Variants in SYCP2L observed in about 807,000 individuals in gnomAD.
SYCP2L encodes the protein synaptonemal complex protein 2 like.
In SYCP2L, 98 loss-of-function variants were observed where a neutral mutation model predicts 125.8. The observed-to-expected ratio is 0.78, with a 90% CI of 0.66 to 0.92. SYCP2L has a LOEUF of 0.92. Ranked by LOEUF, SYCP2L falls within the 40% of genes least tolerant of loss-of-function variation. SYCP2L has a pLI of 0.00. For synonymous variants in SYCP2L, 317 were observed against 325.4 expected (o/e 0.97, Z 0.28); for missense variants, 842 against 936.4 (o/e 0.90, Z 1.32).
intron 23 of SYCP2L, among the ~76,000 whole-genome samples, chr6:10,950,199 A>G (rs946403883): frequency 1.5e-5 from 2 of 133,302 alleles, no homozygotes; most frequent in African/African-American, 2.5e-5. Flanking sequence ...ACTTATTGCA[A>G]CATGGTCAGA....
chr6:10,956,696 C>T (rs992924948), intron 25 of SYCP2L, among the ~76,000 whole-genome samples: 1 of 152,144 alleles, frequency 6.6e-6, no homozygotes, highest in Non-Finnish European at 1.5e-5. Context: ...CACCTGGGCT[C>T]AAGTGATCCA....
chr6:10,911,648 C>T (rs546871679), intron 12 of SYCP2L, among the ~76,000 whole-genome samples: 1 of 152,240 alleles, frequency 6.6e-6, no homozygotes, highest in South Asian at 2.1e-4. Context: ...ATTCTGCTCT[C>T]TGTTTGGTTT....
intron 29 of SYCP2L, among the ~76,000 whole-genome samples, chr6:10,969,598 T>C (rs1031713434): frequency 1.3e-5 from 2 of 151,956 alleles, no homozygotes; most frequent in African/African-American, 4.8e-5. Context: ...TCTCCTGACC[T>C]CGTGATCTGC....
rs530279522 is a variant in SYCP2L, at chr6:10,949,443, TAGTC to T, written c.1955-5670_1955-5667del. On this transcript the variant is annotated intron_variant, in intron 23 of 29. Transcript: ENST00000283141. ...TACTTATTGCTAATTTTTTGCAACA[TAGTC>T]AGAGAAACACAGTCTGTACAATATC... Among the ~76,000 whole-genome samples, 334 of 152,324 alleles carry T rather than the reference TAGTC, an allele frequency of 2.2e-3. 1 individual carries two copies. Among genetic ancestry groups the T allele is most frequent in the African/African-American group, 3.7e-3 (154 of 41,598 alleles).
rs1781463653 is a variant in SYCP2L at position 10,954,362 on chromosome 6, G to A, written c.1955-754G>A. ...TTGGAAGTGACAATTGAAGGTGAAGGATTGACGATTTCCTCTAGGGAGATG... is the reference window on the plus strand; with the variant it reads ...TTGGAAGTGACAATTGAAGGTGAAGAATTGACGATTTCCTCTAGGGAGATG... On this transcript the variant is annotated intron_variant, in intron 23 of 29. Coordinates refer to ENST00000283141, the MANE Select transcript of SYCP2L (RefSeq NM_001040274.3). The surrounding 1 kb of genome is among the most constrained non-coding windows in gnomAD (Gnocchi z 4.8). Among the ~76,000 whole-genome samples, 1 of 152,126 alleles carries A rather than the reference G, an allele frequency of 6.6e-6. No homozygotes were observed.
intron 29 of SYCP2L, among the ~76,000 whole-genome samples, chr6:10,971,772 C>T (rs1272984143): frequency 1.4e-5 from 2 of 144,518 alleles, no homozygotes; most frequent in African/African-American, 2.6e-5. Flanking sequence ...GCACCTCCTC[C>T]TCTGAGGTTC....
Position 10,894,014 on chromosome 6 carries a change from T to C in SYCP2L, c.216+10T>C, listed in dbSNP as rs762281127. 7 of 1,604,040 alleles carry C rather than the reference T, an allele frequency of 4.4e-6. No individual in the cohort carries two copies. The highest frequency in any genetic ancestry group is 5.9e-6 in the Non-Finnish European group (7 of 1,177,390). On this transcript the variant is annotated intron_variant, in intron 3 of 29. Transcript: ENST00000283141. ...CAGATCAATAAATAAGGCAAGTTGGTTTGCTTTGTGACCAAAATACAAATG... is the reference window on the plus strand; with the variant it reads ...CAGATCAATAAATAAGGCAAGTTGGCTTGCTTTGTGACCAAAATACAAATG...
In SYCP2L at chr6:10,926,406, G is replaced by A; in HGVS notation, c.1286G>A (p.Ser429Asn). ...FSKSDKEDRE[S>N]PSGLERETEQ... ...AAGTCTGATAAAGAAGACAGGGAGA[G>A]TCCCAGTGGCCTTGAAAGAGAAACA... Residue 429 changes from serine (S) to asparagine (N), a missense_variant, in exon 16 of 30, where the codon AGT becomes AAT. Physicochemically the swap from Ser to Asn is conservative, Grantham distance 46 (BLOSUM62 1). Transcript: ENST00000283141. 1 of 1,613,770 alleles carries A rather than the reference G, an allele frequency of 6.2e-7. No homozygotes were observed. Among genetic ancestry groups the A allele is most frequent in the Non-Finnish European group, 8.5e-7 (1 of 1,179,760 alleles).
At chr6:10,970,119 C>T (rs945173361) in intron 29 of SYCP2L, among the ~76,000 whole-genome samples, 12 of 152,122 alleles carry the variant, frequency 7.9e-5, no homozygotes, top group African/African-American at 2.9e-4. Context: ...GAGAGAGACT[C>T]ACAGCGTGGA....
Position 10,926,384 on chromosome 6 carries a change from T to C in SYCP2L, c.1264T>C (p.Ser422Pro), listed in dbSNP as rs750303320. ...AATCTCCTCAGAACTTTTTAGTAAG[T>C]CTGATAAAGAAGACAGGGAGAGTCC... is the stretch of plus-strand genomic sequence containing the variant. ...TKISSELFSK[S>P]DKEDRESPSG... Residue 422 changes from serine (S) to proline (P), a missense_variant, in exon 16 of 30, where the codon TCT becomes CCT. Transcript: ENST00000283141. The C allele has an allele frequency of 2.5e-6, 4 of 1,613,884 alleles. No individual in the cohort carries two copies. The highest frequency in any genetic ancestry group is 8.5e-7 in the Non-Finnish European group (1 of 1,179,896).
intron 4 of SYCP2L, among the ~76,000 whole-genome samples, chr6:10,895,532 T>C (rs1780242666): frequency 6.6e-6 from 1 of 152,020 alleles, no homozygotes; most frequent in African/African-American, 2.4e-5. Context: ...TAGTCCTCTT[T>C]TCAAATAAGG....
In SYCP2L at chr6:10,958,830, C is replaced by A. The variant is rs186632022; in HGVS notation, c.2210C>A (p.Ala737Glu). ...TTTAATTCAGAAAATGCAAAGAAAG[C>A]ACCGGATTGCCTAATAAAACTTTTA... is the stretch of plus-strand genomic sequence containing the variant. ...RPFNSENAKK[A>E]PDCLIKLLNQ... The change falls in exon 26 of 30, where the codon GCA becomes GAA. Residue 737 changes from alanine to glutamate, a missense_variant. Coordinates refer to ENST00000283141, the MANE Select transcript of SYCP2L (RefSeq NM_001040274.3). 1.6e-5 allele frequency: 26 copies of A among 1,613,668 alleles called. No individual in the cohort carries two copies. Among genetic ancestry groups the A allele is most frequent in the Non-Finnish European group, 2.1e-5 (25 of 1,179,910 alleles).
chr6:10,955,017 ACAAGTTT>A, intron 23 of SYCP2L, 92 bp from the exon 24 acceptor site: 1 of 789,876 alleles, frequency 1.3e-6, no homozygotes, highest in Non-Finnish European at 2.2e-6. Flanking sequence ...CAGGCAGGGG[ACAAGTTT>A]CAGATGGTAC....
intron 17 of SYCP2L, 78 bp from the exon 18 acceptor site, chr6:10,928,325 A>G: frequency 1.5e-6 from 1 of 681,914 alleles, no homozygotes; most frequent in Admixed American, 2.8e-5. Flanking sequence ...AGACAGGCAT[A>G]AGAAATTATA....
chr6:10,889,840 C>T (rs1780145479), intron 1 of SYCP2L, among the ~76,000 whole-genome samples: 1 of 151,950 alleles, frequency 6.6e-6, no homozygotes, highest in Non-Finnish European at 1.5e-5. Context: ...GGCTGGTCTC[C>T]AACTCCTGAC....
At chr6:10,951,332 G>C (rs1219234220) in intron 23 of SYCP2L, among the ~76,000 whole-genome samples, 3 of 152,022 alleles carry the variant, frequency 2.0e-5, no homozygotes, top group African/African-American at 7.2e-5. Flanking sequence ...AGGCTGACAT[G>C]GGGGTGGTTG....
At position 10,900,051 on chromosome 6, in the gene SYCP2L, G is replaced by A. The variant is rs59572983; in HGVS notation, c.466+1203G>A. On this transcript the variant is annotated intron_variant, in intron 6 of 29. Transcript: ENST00000283141. ...TACGGTCATTGCTTGGTGCATTTATGGATTCACATAATGCTATAATGACTT... is the reference window on the plus strand; with the variant it reads ...TACGGTCATTGCTTGGTGCATTTATAGATTCACATAATGCTATAATGACTT... 4.1e-4 allele frequency among the ~76,000 whole-genome samples: 62 copies of A among 152,276 alleles called. No individual in the cohort carries two copies. In the East Asian group the frequency reaches 0.011, roughly 27 times the overall value.
chr6:10,961,641 C>T (rs530801665), intron 28 of SYCP2L, 83 bp downstream of exon 28: 162 of 1,353,300 alleles, frequency 1.2e-4, no homozygotes, highest in Middle Eastern at 1.8e-4. Flanking sequence ...CAGTTGGTGA[C>T]GGTAAAACTC....
intron 15 of SYCP2L, among the ~76,000 whole-genome samples, chr6:10,925,494 C>G (rs192558771): frequency 6.6e-6 from 1 of 152,224 alleles, no homozygotes; most frequent in African/African-American, 2.4e-5. Context: ...AACAGGAAAC[C>G]TTTCTGTATC....
Sources: allele counts gnomAD v4.1 joint callset (sites outside exome capture counted in the v4.1 genomes callset), GRCh38; gene constraint gnomAD v4.1.1; non-coding constraint Gnocchi (gnomAD v3.1); transcripts MANE v1.5; gene names NCBI Gene and HGNC (gene_info 2026-07-23, HGNC 2026-07-21).